ZNF451: variants seen among roughly 807,000 people sequenced by gnomAD.
The protein encoded by ZNF451 is zinc finger protein 451.
ZNF451 carries 80 observed loss-of-function variants against 107.1 expected under a neutral mutation model. That is an observed-to-expected ratio of 0.75 (90% confidence interval 0.62 to 0.90). ZNF451 has a LOEUF of 0.90. Ranked by LOEUF, ZNF451 falls within the 40% of genes least tolerant of loss-of-function variation. The pLI is 0.00. For synonymous variants in ZNF451, 362 were observed against 406.5 expected (o/e 0.89, Z 1.32); for missense variants, 1,107 against 1,236.2 (o/e 0.90, Z 1.57).
chr6:57,147,366 T>A lies in ZNF451; in HGVS notation c.1281T>A (p.Leu427=). 1 of 1,614,100 alleles carries A rather than the reference T, an allele frequency of 6.2e-7. No homozygotes were observed. The highest frequency in any genetic ancestry group is 8.5e-7 in the Non-Finnish European group (1 of 1,179,984). Residue 427 remains leucine (L), a synonymous_variant, in exon 10 of 15, where the codon CTT becomes CTA. Coordinates refer to ENST00000370706, the MANE Select transcript of ZNF451 (RefSeq NM_001031623.3). ...TGGATCAATCAAAATTTTCATCACT[T>A]AAAAGAACCATGTCTATTAAAGAAT... The part of the protein sequence containing the change: ...LLLDQSKFSS[L]KRTMSIKESS...
chr6:57,146,993 T>C (rs1427079759), intron 9 of ZNF451, 97 bp from the exon 10 acceptor site: 1 of 1,103,962 alleles, frequency 9.1e-7, no homozygotes, highest in Non-Finnish European at 1.3e-6. Context: ...TGCTTATTTA[T>C]ACGTTGGTTA....
chr6:57,092,913 AT>A (rs1829117484), intron 2 of ZNF451: 1 of 152,222 alleles, frequency 6.6e-6, no homozygotes, highest in East Asian at 1.9e-4. Context: ...TCTCATTTAA[AT>A]TTTATTGAAA....
Position 57,147,841 on chromosome 6 carries a change from C to G in ZNF451, c.1756C>G (p.Pro586Ala). 1.2e-6 allele frequency: 2 copies of G among 1,614,084 alleles called. No homozygotes were observed. The highest frequency in any genetic ancestry group is 1.1e-5 in the South Asian group (1 of 91,076). The change falls in exon 10 of 15, where the codon CCT becomes GCT. Residue 586 changes from proline (P) to alanine (A), a missense_variant. Physicochemically the swap from Pro to Ala is conservative, Grantham distance 27. Coordinates refer to ENST00000370706, the MANE Select transcript of ZNF451 (RefSeq NM_001031623.3). Reference protein sequence around the residue: ...TTLDNLTANKPSSAITVIDHS... With the variant: ...TTLDNLTANKASSAITVIDHS... ...ATTGGATAATTTGACTGCTAACAAG[C>G]CTTCATCAGCTATTACTGTTATTGA... is the stretch of plus-strand genomic sequence containing the variant.
chr6:57,094,472 C>T (rs1829196987), intron 2 of ZNF451, among the ~76,000 whole-genome samples: 1 of 152,034 alleles, frequency 6.6e-6, no homozygotes, highest in Non-Finnish European at 1.5e-5. Context: ...CCATGCCCTG[C>T]TTAGAATCCT....
intron 3 of ZNF451, chr6:57,115,632 G>A (rs908381441): frequency 4.6e-5 from 7 of 152,190 alleles, no homozygotes; most frequent in Non-Finnish European, 1.0e-4. Context: ...GACTGAACCA[G>A]AATCTGCCTT....
At chr6:57,113,567 C>T (rs1830211658) in intron 3 of ZNF451, among the ~76,000 whole-genome samples, 1 of 151,510 alleles carries the variant, frequency 6.6e-6, no homozygotes, top group South Asian at 2.1e-4. Flanking sequence ...GAAAGATCTG[C>T]CTGAATTTAA....
intron 2 of ZNF451, among the ~76,000 whole-genome samples, chr6:57,093,748 CAAGG>C (rs1277170259): frequency 6.6e-6 from 1 of 152,140 alleles, no homozygotes; most frequent in African/African-American, 2.4e-5. Flanking sequence ...GTAGAAGAAA[CAAGG>C]AAAGGCATCA....
rs1159451824 is a variant in ZNF451, at chr6:57,124,286, T to A, written c.187-448T>A. On this transcript the variant is annotated intron_variant, in intron 3 of 14. Coordinates refer to ENST00000370706, the MANE Select transcript of ZNF451 (RefSeq NM_001031623.3). Reference sequence around the variant, plus strand: ...GTGTGAGGGCCCCTCTATGGCTGGCTCCCCCTGGAGTTTTTAACTCTCAGG... The same window carrying A: ...GTGTGAGGGCCCCTCTATGGCTGGCACCCCCTGGAGTTTTTAACTCTCAGG... The A allele has an allele frequency of 4.9e-6, 3 of 609,004 alleles. No homozygotes were observed. The African/African-American group carries it at 5.5e-5, about 11-fold the overall frequency. The allele number at this position is 609,004 out of a possible 1,614,324, so 37.7% of individuals were successfully genotyped here. A position where few individuals can be genotyped will look rare whatever the true frequency, so the allele number is the denominator to read the frequency against.
chr6:57,122,332 T>C (rs1435919240), intron 3 of ZNF451, among the ~76,000 whole-genome samples: 1 of 152,148 alleles, frequency 6.6e-6, no homozygotes, highest in Admixed American at 6.5e-5. Flanking sequence ...GAATTTATGA[T>C]GAAGACCCTA....
chr6:57,122,589 G>T (rs1422868391), intron 3 of ZNF451, among the ~76,000 whole-genome samples: 1 of 152,158 alleles, frequency 6.6e-6, no homozygotes, highest in Non-Finnish European at 1.5e-5. Flanking sequence ...CTTCTCAAAA[G>T]ACAACATACA....
intron 13 of ZNF451, chr6:57,158,459 C>G (rs986007263): frequency 1.7e-5 from 16 of 924,250 alleles, no homozygotes; most frequent in Non-Finnish European, 2.1e-5. Context: ...AAGCAATTAG[C>G]ATTCTAATTT....
At position 57,090,191 on chromosome 6, in the gene ZNF451, C is replaced by G. The variant is rs549406021; in HGVS notation, c.-63C>G. 2.6e-5 allele frequency: 41 copies of G among 1,571,178 alleles called. No individual in the cohort carries two copies. Among genetic ancestry groups the G allele is most frequent in the African/African-American group, 1.5e-4 (11 of 74,392 alleles). On this transcript the variant is annotated 5_prime_UTR_variant, in exon 1 of 15. Transcript: ENST00000370706. ...GGCGGTGCAGGGCGGGAAGGGGATT[C>G]GTGGCGACGGCGGCGGCAGGGACAG...
chr6:57,096,448 A>G (rs1221521937), intron 2 of ZNF451, among the ~76,000 whole-genome samples: 1 of 151,456 alleles, frequency 6.6e-6, no homozygotes, highest in Non-Finnish European at 1.5e-5. Context: ...GGTCTCCCAA[A>G]GTGCTGGGAT....
chr6:57,111,817 A>G (rs1452826958), intron 3 of ZNF451, among the ~76,000 whole-genome samples: 1 of 152,218 alleles, frequency 6.6e-6, no homozygotes, highest in Non-Finnish European at 1.5e-5. Flanking sequence ...AATATAGGAA[A>G]ATCTTTTTTA....
At chr6:57,143,380 T>C (rs978175259) in intron 9 of ZNF451, among the ~76,000 whole-genome samples, 1 of 152,186 alleles carries the variant, frequency 6.6e-6, no homozygotes, top group African/African-American at 2.4e-5. Context: ...TTGTTGATTT[T>C]TACAACAACC....
At chr6:57,117,288 C>T (rs567484290) in intron 3 of ZNF451, among the ~76,000 whole-genome samples, 1 of 148,858 alleles carries the variant, frequency 6.7e-6, no homozygotes, top group African/African-American at 2.5e-5. Context: ...TTCCTTTGAG[C>T]TTCATACGGG....
intron 7 of ZNF451, among the ~76,000 whole-genome samples, chr6:57,138,727 A>ATGTGTGTGTG (rs1253099714): frequency 1.5e-4 from 17 of 114,600 alleles, no homozygotes; most frequent in Non-Finnish European, 2.2e-4. Context: ...ATATATATAT[A>ATGTGTGTGTG]TATATATATA....
chr6:57,162,073 T>C (rs1419763610), intron 14 of ZNF451, among the ~76,000 whole-genome samples: 2 of 152,204 alleles, frequency 1.3e-5, no homozygotes, highest in Non-Finnish European at 2.9e-5. Context: ...TCTTAGAAAA[T>C]ACTTTGAGCT....
intron 14 of ZNF451, among the ~76,000 whole-genome samples, chr6:57,166,514 T>A (rs1763906738): frequency 6.6e-6 from 1 of 152,196 alleles, no homozygotes; most frequent in South Asian, 2.1e-4. Flanking sequence ...TTCCCTACTT[T>A]TAAATTGTTT....
Sources: allele counts gnomAD v4.1 joint callset (sites outside exome capture counted in the v4.1 genomes callset), GRCh38; gene constraint gnomAD v4.1.1; transcripts MANE v1.5; gene names NCBI Gene and HGNC (gene_info 2026-07-23, HGNC 2026-07-21).